Variants in CNIH3 observed in about 807,000 individuals in gnomAD.
The protein encoded by CNIH3 is cornichon family AMPA receptor auxiliary protein 3, also known as protein cornichon homolog 3.
Under a neutral mutation model 24.1 loss-of-function variants are expected in CNIH3, and 14 were observed. The observed-to-expected ratio is 0.58, with a 90% CI of 0.38 to 0.91. CNIH3 has a LOEUF of 0.91. Among genes scored for constraint, CNIH3 ranks in the 40% least tolerant of loss-of-function variants. CNIH3 has a pLI of 0.00. For synonymous variants in CNIH3, 68 were observed against 73.8 expected (o/e 0.92, Z 0.40); for missense variants, 178 against 196.8 (o/e 0.90, Z 0.57).
intron 3 of CNIH3, chr1:224,730,235 G>C (rs1368169908): frequency 4.0e-6 from 2 of 502,232 alleles, no homozygotes; most frequent in Non-Finnish European, 7.2e-6. Context: ...AGTGCACTGA[G>C]GGCTTGTGTC....
chr1:224,725,543 T>G (rs185170009), intron 3 of CNIH3, among the ~76,000 whole-genome samples: 18 of 152,342 alleles, frequency 1.2e-4, no homozygotes, highest in Non-Finnish European at 1.9e-4. Flanking sequence ...ACTCTGAGTC[T>G]CACAGCTTCT....
intron 1 of CNIH3, among the ~76,000 whole-genome samples, chr1:224,457,423 A>G (rs955103238): frequency 2.7e-5 from 4 of 150,930 alleles, no homozygotes; most frequent in African/African-American, 9.8e-5. Context: ...TAGCCTTTAC[A>G]TTTCCCATGT....
At chr1:224,731,040 G>T (rs915358541) in intron 4 of CNIH3, among the ~76,000 whole-genome samples, 4 of 152,202 alleles carry the variant, frequency 2.6e-5, no homozygotes, top group Non-Finnish European at 4.4e-5. Context: ...TATAGGAAAT[G>T]TCCAGGAAAG....
At chr1:224,473,150 A>C (rs1292757000) in intron 1 of CNIH3, among the ~76,000 whole-genome samples, 2 of 152,228 alleles carry the variant, frequency 1.3e-5, no homozygotes, top group African/African-American at 4.8e-5. Flanking sequence ...TGCAAGCCTC[A>C]TGGTAACCTC....
intron 3 of CNIH3, among the ~76,000 whole-genome samples, chr1:224,702,317 C>T (rs920825514): frequency 6.6e-6 from 1 of 152,140 alleles, no homozygotes; most frequent in African/African-American, 2.4e-5. Flanking sequence ...TTATTTGGCC[C>T]CAACCCTGCA....
intron 1 of CNIH3, among the ~76,000 whole-genome samples, chr1:224,645,295 G>A (rs1684548188): frequency 1.3e-5 from 2 of 152,152 alleles, no homozygotes; most frequent in African/African-American, 4.8e-5. Context: ...TTTGGTGTCT[G>A]GCCATTACTT....
At chr1:224,589,082 G>A (rs1223781741), downstream of CNIH3, among the ~76,000 whole-genome samples, 2 of 149,030 alleles carry the variant, frequency 1.3e-5, no homozygotes, top group Non-Finnish European at 3.0e-5. Context: ...GTGGCTAAGC[G>A]AGCACCGTTA....
chr1:224,616,853 G>A lies in CNIH3; in HGVS notation c.-322G>A, dbSNP rs1007871204. 3.4e-6 allele frequency: 4 copies of A among 1,174,824 alleles called. No homozygotes were observed. The African/African-American group carries it at 6.3e-5, about 19-fold the overall frequency. 72.8% of individuals were successfully genotyped at this position (1,174,824 alleles called of 1,614,324 possible). A position where few individuals can be genotyped will look rare whatever the true frequency, so the allele number is the denominator to read the frequency against. On this transcript the variant is annotated 5_prime_UTR_variant, in exon 1 of 6. Transcript: ENST00000272133. ...ATCGCTTGTCGTGTTGGTCTCGAGGGGCTCACAGCTTGGCACTAATTTGCA... is the reference window on the plus strand; with the variant it reads ...ATCGCTTGTCGTGTTGGTCTCGAGGAGCTCACAGCTTGGCACTAATTTGCA...
At chr1:224,443,788 C>T (rs1675029782) in intron 1 of CNIH3, among the ~76,000 whole-genome samples, 1 of 151,716 alleles carries the variant, frequency 6.6e-6, no homozygotes, top group Admixed American at 6.6e-5. Flanking sequence ...TTTGGGATGT[C>T]CTCTGTTTCA....
At chr1:224,484,452 C>G (rs1398007847) in intron 1 of CNIH3, among the ~76,000 whole-genome samples, 3 of 151,706 alleles carry the variant, frequency 2.0e-5, no homozygotes, top group African/African-American at 7.3e-5. Context: ...AGATTTTTCT[C>G]TTTATCACCA....
chr1:224,737,503 ACT>A (rs71785671), intron 5 of CNIH3, among the ~76,000 whole-genome samples: 14,268 of 151,344 alleles, frequency 0.094, 764 homozygotes, highest in East Asian at 0.15. Flanking sequence ...TGCTTAAAAG[ACT>A]CTGTTTCTCC....
chr1:224,557,487 AC>A, intron 3 of CNIH3, among the ~76,000 whole-genome samples: 1 of 151,852 alleles, frequency 6.6e-6, no homozygotes, highest in Non-Finnish European at 1.5e-5. Context: ...TTTATTTTAG[AC>A]AGAGTCTCGC....
chr1:224,577,389 G>C (rs1413090452), intron 4 of CNIH3, among the ~76,000 whole-genome samples: 25 of 152,008 alleles, frequency 1.6e-4, no homozygotes, highest in Admixed American at 1.3e-3. Flanking sequence ...CCATCAAAAA[G>C]TGGGCAAAGA....
chr1:224,444,117 T>C (rs570277207), intron 1 of CNIH3, among the ~76,000 whole-genome samples: 1 of 152,304 alleles, frequency 6.6e-6, no homozygotes, highest in African/African-American at 2.4e-5. Context: ...CCTGATTATT[T>C]TGAAGTAAAT....
At chr1:224,655,508 G>C (rs1036431) in intron 1 of CNIH3, among the ~76,000 whole-genome samples, 37,635 of 151,956 alleles carry the variant, frequency 0.25, 4,925 homozygotes, top group East Asian at 0.36. Flanking sequence ...AGACTCCTCG[G>C]TTTTCACAAG....
chr1:224,532,498 T>C (rs1426410928), intron 2 of CNIH3, among the ~76,000 whole-genome samples: 2 of 152,024 alleles, frequency 1.3e-5, no homozygotes, highest in Non-Finnish European at 2.9e-5. Context: ...GTTATCCAGG[T>C]GAGAGGTGAT....
intron 3 of CNIH3, among the ~76,000 whole-genome samples, chr1:224,709,986 A>G (rs1688048139): frequency 6.6e-6 from 1 of 152,076 alleles, no homozygotes; most frequent in Non-Finnish European, 1.5e-5. Context: ...AACTTTATTA[A>G]TTATCTTTAT....
intron 3 of CNIH3, among the ~76,000 whole-genome samples, chr1:224,595,381 G>T (rs755278232): frequency 7.2e-5 from 11 of 152,108 alleles, no homozygotes; most frequent in African/African-American, 2.7e-4. Flanking sequence ...TGTCATAATC[G>T]TTTTGGGGCA....
upstream of CNIH3, among the ~76,000 whole-genome samples, chr1:224,614,013 G>A (rs184059648): frequency 1.6e-3 from 244 of 152,018 alleles, 2 homozygotes; most frequent in Middle Eastern, 3.4e-3. Flanking sequence ...CAAGAAGCTG[G>A]GACTACAGGT....
Sources: allele counts gnomAD v4.1 joint callset (sites outside exome capture counted in the v4.1 genomes callset), GRCh38; gene constraint gnomAD v4.1.1; transcripts MANE v1.5; gene names NCBI Gene and HGNC (gene_info 2026-07-23, HGNC 2026-07-21).